The following DDX50 variants were observed in gnomAD, a reference collection of about 807,000 sequenced individuals.
DDX50 encodes ATP-dependent RNA helicase DDX50.
A neutral mutation model predicts 94.8 loss-of-function variants in DDX50; 56 were observed. The ratio of observed to expected loss-of-function variants is 0.59; its 90% CI spans 0.48 to 0.74. The LOEUF (loss-of-function observed/expected upper bound fraction) is 0.74, where lower values mean the gene tolerates loss of function less well. Ranked by LOEUF, DDX50 falls within the 30% of genes least tolerant of loss-of-function variation. The probability of loss-of-function intolerance (pLI) is 0.00; values close to 1 mark genes in which losing one functional copy is unlikely to be tolerated. For synonymous variants in DDX50, 264 were observed against 295.4 expected (o/e 0.89, Z 1.09); for missense variants, 713 against 881.2 (o/e 0.81, Z 2.42).
At chr10:68,946,328 T>C (rs756508522) in intron 14 of DDX50, 24 bp from the exon 15 acceptor site, 5 of 1,584,644 alleles carry the variant, frequency 3.2e-6, no homozygotes, top group Non-Finnish European at 4.3e-6. Flanking sequence ...GCATTTATAT[T>C]AATCCTGTAA....
intron 11 of DDX50, 42 bp downstream of exon 11, chr10:68,936,121 T>C: frequency 1.3e-6 from 2 of 1,507,794 alleles, no homozygotes; most frequent in Non-Finnish European, 1.8e-6. Flanking sequence ...TCTTTTGTAT[T>C]AGGCTATTCA....
At chr10:68,912,156 A>C (rs544358765) in intron 4 of DDX50, among the ~76,000 whole-genome samples, 20 of 152,292 alleles carry the variant, frequency 1.3e-4, no homozygotes, top group African/African-American at 3.4e-4. Flanking sequence ...AATTAGGAAA[A>C]GACTGAAATA....
In DDX50 at chr10:68,911,184, A is replaced by C; in HGVS notation, c.577A>C (p.Ile193Leu). The C allele has an allele frequency of 6.2e-7, 1 of 1,611,928 alleles. No homozygotes were observed. Among genetic ancestry groups the C allele is most frequent in the Non-Finnish European group, 8.5e-7 (1 of 1,179,288 alleles). ...TGTGKTFSFAIPLIERLQRNQ... is the reference protein window; with the variant it reads ...TGTGKTFSFALPLIERLQRNQ... ...AACAGGAAAGACATTCTCTTTTGCCATCCCCTTAATTGAAAGACTCCAAAG... is the reference window on the plus strand; with the variant it reads ...AACAGGAAAGACATTCTCTTTTGCCCTCCCCTTAATTGAAAGACTCCAAAG... Residue 193 changes from isoleucine to leucine, a missense_variant, in exon 4 of 15, where the codon ATC (isoleucine) becomes CTC (leucine). Around this residue, in one of 2 missense-constraint regions of DDX50, gnomAD observed 285 missense variants for 278.9 expected, o/e 1.02. Transcript: ENST00000373585.
Position 68,910,337 on chromosome 10 carries a change from T to C in DDX50, c.415T>C (p.Phe139Leu). Residue 139 changes from phenylalanine to leucine, a missense_variant, in exon 3 of 15, where the codon TTC (phenylalanine) becomes CTC (leucine). By Grantham distance (22) the Phe-to-Leu change is conservative. Coordinates refer to ENST00000373585, the MANE Select transcript of DDX50 (RefSeq NM_024045.2). Reference sequence around the variant, plus strand: ...AACACGTGAACAGAAAGAAGGAGCCTTCTCCAATTTTCCTATTTCTGAAGA... The same window carrying C: ...AACACGTGAACAGAAAGAAGGAGCCCTCTCCAATTTTCCTATTTCTGAAGA... ...TLTREQKEGA[F>L]SNFPISEETI... 1 of 1,607,062 alleles carries C rather than the reference T, an allele frequency of 6.2e-7. No homozygotes were observed. The highest frequency in any genetic ancestry group is 1.3e-5 in the African/African-American group (1 of 74,312).
chr10:68,938,801 C>T (rs1842486031), intron 12 of DDX50, among the ~76,000 whole-genome samples: 2 of 152,082 alleles, frequency 1.3e-5, no homozygotes, highest in Admixed American at 1.3e-4. Flanking sequence ...AAATTCAGGA[C>T]CTAGTTAAGT....
At position 68,910,246 on chromosome 10, in the gene DDX50, A is replaced by G. The variant is rs576801884; in HGVS notation, c.385-61A>G. ...TGTAAGTTAATCTGTAAAAAATTAA[A>G]AACAGTAAATGAGGAAGAGTTGAGT... is the stretch of plus-strand genomic sequence containing the variant. On this transcript the variant is annotated intron_variant, in intron 2 of 14. Transcript: ENST00000373585. 8.6e-6 allele frequency: 12 copies of G among 1,393,086 alleles called. No individual in the cohort carries two copies. In the South Asian group the frequency reaches 1.3e-4, roughly 15 times the overall value. 86.3% of individuals were successfully genotyped at this position (1,393,086 alleles called of 1,614,324 possible).
chr10:68,903,301 G>A (rs1841342491), intron 1 of DDX50, among the ~76,000 whole-genome samples: 1 of 152,102 alleles, frequency 6.6e-6, no homozygotes. Flanking sequence ...GGAGGCTGAG[G>A]CAGGCAGATC....
chr10:68,901,452 A>C lies in DDX50; in HGVS notation c.68A>C (p.Gln23Pro). Reference sequence around the variant, plus strand: ...GCACCCTTGGAGGAGTCCGAGAGCCAGAAGAAGGAGAGGCAAAAGGTGCGC... The same window carrying C: ...GCACCCTTGGAGGAGTCCGAGAGCCCGAAGAAGGAGAGGCAAAAGGTGCGC... ...LEAPLEESESQKKERQKSDRR... is the reference protein window; with the variant it reads ...LEAPLEESESPKKERQKSDRR... The change falls in exon 1 of 15, where the codon CAG becomes CCG. Residue 23 changes from glutamine to proline, a missense_variant. Physicochemically the swap from Gln to Pro is moderately conservative, Grantham distance 76. Transcript: ENST00000373585. 6.4e-7 allele frequency: 1 copy of C among 1,573,544 alleles called. No individual in the cohort carries two copies. The highest frequency in any genetic ancestry group is 8.6e-7 in the Non-Finnish European group (1 of 1,160,014).
chr10:68,902,585 A>G (rs1841324049), intron 1 of DDX50, among the ~76,000 whole-genome samples: 2 of 152,288 alleles, frequency 1.3e-5, no homozygotes, highest in South Asian at 4.1e-4. Context: ...TCATTGTCCC[A>G]GACTGAAACT....
At chr10:68,944,578 C>T (rs1024947702) in intron 14 of DDX50, among the ~76,000 whole-genome samples, 1 of 151,960 alleles carries the variant, frequency 6.6e-6, no homozygotes, top group African/African-American at 2.4e-5. Context: ...GACAGAATCT[C>T]GCTCTGCTGC....
intron 7 of DDX50, among the ~76,000 whole-genome samples, chr10:68,916,861 T>A (rs947840992): frequency 1.3e-5 from 2 of 152,134 alleles, no homozygotes; most frequent in Non-Finnish European, 2.9e-5. Flanking sequence ...ATTTTTTGTA[T>A]TTTTAGTAGA....
At chr10:68,935,156 A>G (rs1842374338) in intron 10 of DDX50, among the ~76,000 whole-genome samples, 1 of 149,932 alleles carries the variant, frequency 6.7e-6, no homozygotes. Flanking sequence ...TCTTCATACT[A>G]AAATCAGAAG....
chr10:68,944,804 C>G (rs1403233943), intron 14 of DDX50, among the ~76,000 whole-genome samples: 1 of 152,174 alleles, frequency 6.6e-6, no homozygotes, highest in Non-Finnish European at 1.5e-5. Flanking sequence ...CTCGGCCTCC[C>G]AAAGTGCTGG....
At chr10:68,933,607 A>G (rs1467130706) in intron 8 of DDX50, among the ~76,000 whole-genome samples, 1 of 151,714 alleles carries the variant, frequency 6.6e-6, no homozygotes, top group Non-Finnish European at 1.5e-5. Flanking sequence ...AAGTCATAGT[A>G]TATGCTAGTG....
chr10:68,939,593 TA>T (rs1842508523), intron 12 of DDX50, among the ~76,000 whole-genome samples: 1 of 152,184 alleles, frequency 6.6e-6, no homozygotes, highest in Non-Finnish European at 1.5e-5. Flanking sequence ...GACATAAACT[TA>T]ACTATTACAC....
intron 14 of DDX50, among the ~76,000 whole-genome samples, chr10:68,944,131 ATAAT>A (rs1842610586): frequency 6.6e-6 from 1 of 152,342 alleles, no homozygotes; most frequent in East Asian, 1.9e-4. Context: ...TCATAATACC[ATAAT>A]TAAACTCCCC....
At chr10:68,904,045 A>T (rs939712977) in intron 1 of DDX50, among the ~76,000 whole-genome samples, 1 of 150,348 alleles carries the variant, frequency 6.7e-6, no homozygotes, top group Non-Finnish European at 1.5e-5. Context: ...TCGGGATGCT[A>T]AGGCAGGAGA....
chr10:68,921,009 C>T (rs974371661), intron 8 of DDX50, among the ~76,000 whole-genome samples: 15 of 147,608 alleles, frequency 1.0e-4, no homozygotes, highest in African/African-American at 3.5e-4. Context: ...CAAACATGGA[C>T]AAAAGTTGGT....
chr10:68,911,341 A>T, intron 4 of DDX50, 95 bp downstream of exon 4: 2 of 1,331,946 alleles, frequency 1.5e-6, no homozygotes, highest in Non-Finnish European at 2.0e-6. Flanking sequence ...CCCAAAATAG[A>T]AAAGTTAGCG....
Sources: allele counts gnomAD v4.1 joint callset (sites outside exome capture counted in the v4.1 genomes callset), GRCh38; gene constraint gnomAD v4.1.1; regional missense constraint gnomAD v4.1.1; transcripts MANE v1.5; gene names NCBI Gene and HGNC (gene_info 2026-07-23, HGNC 2026-07-21).